ST6GALNAC3: variants seen among roughly 807,000 people sequenced by gnomAD.
ST6GALNAC3 encodes alpha-N-acetylgalactosaminide alpha-2,6-sialyltransferase 3.
In ST6GALNAC3, 25 loss-of-function variants were observed where a neutral mutation model predicts 32.7. The observed-to-expected ratio is 0.76, with a 90% CI of 0.56 to 1.07. The LOEUF (loss-of-function observed/expected upper bound fraction) is 1.07. Ranked by LOEUF, ST6GALNAC3 falls within the 50% of genes least tolerant of loss-of-function variation. The pLI is 0.00. For missense variants in ST6GALNAC3, 355 were observed against 382.4 expected, an observed-to-expected ratio of 0.93 and a Z score of 0.60; for synonymous variants, 129 against 133.1, an observed-to-expected ratio of 0.97 and a Z score of 0.21.
chr1:76,494,722 G>A (rs1311161821), intron 3 of ST6GALNAC3, among the ~76,000 whole-genome samples: 1 of 112,870 alleles, frequency 8.9e-6, no homozygotes, highest in African/African-American at 3.5e-5. Flanking sequence ...GCCGAAGCAT[G>A]AAAATATATT....
At chr1:76,109,670 C>T (rs373871879) in intron 1 of ST6GALNAC3, among the ~76,000 whole-genome samples, 33 of 152,362 alleles carry the variant, frequency 2.2e-4, no homozygotes, top group East Asian at 5.8e-4. Context: ...GCTGCATCTG[C>T]GTTGCTTGCT....
In ST6GALNAC3 at chr1:76,120,303, C is replaced by A. The variant is rs191732178; in HGVS notation, c.18+45419C>A. Among the ~76,000 whole-genome samples the A allele has an allele frequency of 5.8e-3, 885 of 152,194 alleles. 8 individuals are homozygous for A. Among genetic ancestry groups the A allele is most frequent in the Non-Finnish European group, 9.2e-3 (626 of 68,010 alleles). Reference sequence around the variant, plus strand: ...TGTGTCCAGAGTGATCTCGTGTTTCCTTGAGAATTGTGGCCACATACTGCC... The same window carrying A: ...TGTGTCCAGAGTGATCTCGTGTTTCATTGAGAATTGTGGCCACATACTGCC... On this transcript the variant is annotated intron_variant, in intron 1 of 4. Coordinates refer to ENST00000328299, the MANE Select transcript of ST6GALNAC3 (RefSeq NM_152996.4).
At chr1:76,567,876 A>G (rs757079695) in intron 3 of ST6GALNAC3, among the ~76,000 whole-genome samples, 1 of 152,336 alleles carries the variant, frequency 6.6e-6, no homozygotes, top group Non-Finnish European at 1.5e-5. Flanking sequence ...AGTCAGTGTC[A>G]GGACCATAGG....
chr1:76,393,209 A>C (rs1364486551), intron 2 of ST6GALNAC3, among the ~76,000 whole-genome samples: 1 of 152,224 alleles, frequency 6.6e-6, no homozygotes, highest in Non-Finnish European at 1.5e-5. Flanking sequence ...TGCTATGTTT[A>C]AGCAGTGATT....
Position 76,455,680 on chromosome 1 carries a change from G to A in ST6GALNAC3, c.623+43263G>A, listed in dbSNP as rs1657725046. Among the ~76,000 whole-genome samples, 3 of 152,196 alleles carry A rather than the reference G, an allele frequency of 2.0e-5. No homozygotes were observed. In the South Asian group the frequency reaches 6.2e-4, roughly 31 times the overall value. On this transcript the variant is annotated intron_variant, in intron 3 of 4. Coordinates refer to ENST00000328299, the MANE Select transcript of ST6GALNAC3 (RefSeq NM_152996.4). ...AATTTTTTGCCTTCTCTCTGGGAGA[G>A]GACTACAGTTGCATGCCTATTCTCT...
At chr1:76,212,980 A>C in intron 1 of ST6GALNAC3, among the ~76,000 whole-genome samples, 1 of 152,196 alleles carries the variant, frequency 6.6e-6, no homozygotes, top group Non-Finnish European at 1.5e-5. Flanking sequence ...TAAATGGTTA[A>C]ATTTACTGCA....
chr1:76,547,257 T>A (rs1022418395), intron 3 of ST6GALNAC3, among the ~76,000 whole-genome samples: 1 of 152,124 alleles, frequency 6.6e-6, no homozygotes, highest in African/African-American at 2.4e-5. Context: ...GAAAACACAT[T>A]AAAAAATCAG....
At chr1:76,413,150 C>T (rs541424037) in intron 3 of ST6GALNAC3, 1 of 188,102 alleles carries the variant, frequency 5.3e-6, no homozygotes, top group South Asian at 8.2e-5. Context: ...CCTATTTCCT[C>T]TGTTTGCTCC....
At chr1:76,167,773 T>G (rs1652219290) in intron 1 of ST6GALNAC3, among the ~76,000 whole-genome samples, 1 of 152,236 alleles carries the variant, frequency 6.6e-6, no homozygotes, top group Non-Finnish European at 1.5e-5. Context: ...TTTATGTGCA[T>G]AGAGGTGATC....
intron 1 of ST6GALNAC3, among the ~76,000 whole-genome samples, chr1:76,106,228 T>G (rs561916842): frequency 1.6e-4 from 24 of 152,384 alleles, no homozygotes; most frequent in African/African-American, 5.0e-4. Flanking sequence ...ATTTTTTCTT[T>G]TAATTAGTTG....
chr1:76,590,503 A>G (rs1647030716), intron 3 of ST6GALNAC3, among the ~76,000 whole-genome samples: 1 of 152,206 alleles, frequency 6.6e-6, no homozygotes, highest in Admixed American at 6.5e-5. Flanking sequence ...ACCCACATGG[A>G]TCTTCATGGT....
intron 1 of ST6GALNAC3, among the ~76,000 whole-genome samples, chr1:76,152,213 T>C (rs1477126766): frequency 6.6e-6 from 1 of 152,218 alleles, no homozygotes; most frequent in Admixed American, 6.5e-5. Context: ...CTTTTTGTCA[T>C]TGTCGTGTTG....
chr1:76,395,019 C>G (rs781356920), intron 2 of ST6GALNAC3, among the ~76,000 whole-genome samples: 4 of 152,116 alleles, frequency 2.6e-5, no homozygotes, highest in Admixed American at 6.5e-5. Flanking sequence ...GGCAATTGGT[C>G]TGGTTTGACT....
chr1:76,185,461 A>G (rs925045395), intron 1 of ST6GALNAC3, among the ~76,000 whole-genome samples: 9 of 152,206 alleles, frequency 5.9e-5, no homozygotes, highest in East Asian at 1.9e-4. Flanking sequence ...TCAGCACTCA[A>G]TGAACATCTG....
chr1:76,204,693 G>A (rs1053525798), intron 1 of ST6GALNAC3, among the ~76,000 whole-genome samples: 5 of 152,184 alleles, frequency 3.3e-5, no homozygotes, highest in African/African-American at 9.7e-5. Context: ...TCTATGGGAT[G>A]TGGGGAATAT....
intron 3 of ST6GALNAC3, among the ~76,000 whole-genome samples, chr1:76,451,480 G>C (rs1219846521): frequency 2.6e-5 from 4 of 152,078 alleles, no homozygotes; most frequent in Admixed American, 2.6e-4. Flanking sequence ...GACACATGGG[G>C]ATTATGGGCA....
intron 1 of ST6GALNAC3, among the ~76,000 whole-genome samples, chr1:76,308,132 G>T (rs1661175372): frequency 6.6e-6 from 1 of 152,042 alleles, no homozygotes. Context: ...ATATGGATAA[G>T]TTACACTGAA....
chr1:76,151,159 C>T (rs903669426), intron 1 of ST6GALNAC3, among the ~76,000 whole-genome samples: 4 of 152,100 alleles, frequency 2.6e-5, no homozygotes, highest in South Asian at 2.1e-4. Flanking sequence ...TGTGTTCAGG[C>T]CTCCCCTTCC....
chr1:76,185,802 G>T (rs1164678784), intron 1 of ST6GALNAC3, among the ~76,000 whole-genome samples: 1 of 152,094 alleles, frequency 6.6e-6, no homozygotes, highest in Non-Finnish European at 1.5e-5. Flanking sequence ...ACTAACCTTG[G>T]ATCGAAAGTA....
Sources: gnomAD v4.1 joint callset for allele counts (sites outside exome capture counted in the v4.1 genomes callset) on GRCh38, gnomAD v4.1.1 for gene constraint, MANE v1.5 for transcripts, NCBI Gene and HGNC (gene_info 2026-07-23, HGNC 2026-07-21) for gene names.